TARBP1: variants seen among roughly 807,000 people sequenced by gnomAD.
TARBP1 encodes the protein tRNA guanosine 2 -O-methyltransferase TARBP1.
TARBP1 carries 144 observed loss-of-function variants against 178.6 expected under a neutral mutation model. The observed-to-expected ratio is 0.81, with a 90% confidence interval of 0.70 to 0.93. TARBP1 has a LOEUF of 0.93. Among genes scored for constraint, TARBP1 ranks in the 40% least tolerant of loss-of-function variants. The pLI, the probability that TARBP1 is intolerant of heterozygous loss-of-function variation, is 0.00. For synonymous variants in TARBP1, 787 were observed against 781.0 expected, an observed-to-expected ratio of 1.01 and a Z score of -0.13; for missense variants, 2,067 against 2,011.7, an observed-to-expected ratio of 1.03 and a Z score of -0.53.
chr1:234,454,572 A>T lies in TARBP1; in HGVS notation c.1722+3095T>A, dbSNP rs531885118. The stretch of plus-strand genomic sequence containing the variant: ...TCATTATACTCTTCTAAGAATTTTT[A>T]AAATTTTCATAAGTAAAAAGCTACC... On this transcript the variant is annotated intron_variant, in intron 9 of 29. Coordinates refer to ENST00000040877, the MANE Select transcript of TARBP1 (RefSeq NM_005646.4). Among the ~76,000 whole-genome samples, 4 of 152,318 alleles carry T rather than the reference A, an allele frequency of 2.6e-5. No homozygotes were observed. In the East Asian group the frequency reaches 7.7e-4, roughly 29 times the overall value.
In TARBP1 at chr1:234,430,341, A is replaced by G. The variant is rs767930551; in HGVS notation, c.2395-40T>C. The stretch of plus-strand genomic sequence containing the variant: ...TGACAATGTTTTATTTAATATGCAC[A>G]AGTCTTAATCAGTAATGACCTCAGT... On this transcript the variant is annotated intron_variant, in intron 14 of 29. Transcript: ENST00000040877. 1.9e-6 allele frequency: 3 copies of G among 1,580,894 alleles called. No individual in the cohort carries two copies. In the Admixed American group the frequency reaches 5.1e-5, roughly 27 times the overall value.
intron 4 of TARBP1, among the ~76,000 whole-genome samples, chr1:234,466,983 T>C (rs10495347): frequency 0.084 from 12,733 of 152,222 alleles, 928 homozygotes; most frequent in East Asian, 0.27. Context: ...CACCATAATA[T>C]AAAACTTAAA....
At chr1:234,419,510 A>G (rs78317996) in intron 21 of TARBP1, among the ~76,000 whole-genome samples, 1,901 of 152,274 alleles carry the variant, frequency 0.012, 47 homozygotes, top group African/African-American at 0.044. Flanking sequence ...CAAAACCATA[A>G]GATATAACAG....
At chr1:234,392,707 C>A (rs1572183389) in intron 28 of TARBP1, 155 bp from the exon 29 acceptor site, 6 of 514,684 alleles carry the variant, frequency 1.2e-5, no homozygotes, top group African/African-American at 2.0e-5. Context: ...AACATGACAT[C>A]AATTTCTTTT....
intron 21 of TARBP1, among the ~76,000 whole-genome samples, chr1:234,419,151 T>C (rs918406005): frequency 3.3e-5 from 5 of 151,580 alleles, no homozygotes; most frequent in Non-Finnish European, 2.9e-5. Flanking sequence ...CCAGCCTGGG[T>C]GAAAGAGCAA....
chr1:234,455,986 G>A (rs1218025745), intron 9 of TARBP1, among the ~76,000 whole-genome samples: 2 of 152,136 alleles, frequency 1.3e-5, no homozygotes, highest in Non-Finnish European at 2.9e-5. Flanking sequence ...GTCACCAAAT[G>A]CTATGTTTTA....
At chr1:234,456,305 A>G (rs185247359) in intron 9 of TARBP1, among the ~76,000 whole-genome samples, 152 of 152,318 alleles carry the variant, frequency 1.0e-3, no homozygotes, top group African/African-American at 3.6e-3. Flanking sequence ...GATTCAAGCA[A>G]TTCTCCTGTC....
chr1:234,392,831 A>C lies in TARBP1; in HGVS notation c.4561-279T>G, dbSNP rs570209418. 399 of 187,770 alleles carry C rather than the reference A, an allele frequency of 2.1e-3. 1 individual carries two copies. Among genetic ancestry groups the C allele is most frequent in the Non-Finnish European group, 3.5e-3 (322 of 92,162 alleles). The allele number at this position is 187,770 out of a possible 1,614,324, so 11.6% of individuals were successfully genotyped here. On this transcript the variant is annotated intron_variant, in intron 28 of 29. Coordinates refer to ENST00000040877, the MANE Select transcript of TARBP1 (RefSeq NM_005646.4). ...GTTCACGCCATTCTCCTGCCTCAGC[A>C]TCCCAAGTAGCTGGGACTACAGGCG...
At chr1:234,422,300 T>C (rs1663193571) in intron 20 of TARBP1, among the ~76,000 whole-genome samples, 1 of 152,212 alleles carries the variant, frequency 6.6e-6, no homozygotes, top group South Asian at 2.1e-4. Context: ...TCTACTAGTC[T>C]GTTTAACTCA....
intron 23 of TARBP1, among the ~76,000 whole-genome samples, chr1:234,408,919 G>A (rs1264719021): frequency 1.3e-5 from 2 of 152,176 alleles, no homozygotes; most frequent in South Asian, 2.1e-4. Context: ...AGGTGAACCT[G>A]TTGGGCGGTT....
intron 6 of TARBP1, among the ~76,000 whole-genome samples, chr1:234,463,149 A>G (rs1668067456): frequency 6.6e-6 from 1 of 151,934 alleles, no homozygotes; most frequent in Admixed American, 6.6e-5. Context: ...TTTTTGAGAC[A>G]GTCTTGCTCT....
At chr1:234,477,994 A>C (rs537370908) in intron 1 of TARBP1, among the ~76,000 whole-genome samples, 179 bp downstream of exon 1, 56 of 152,210 alleles carry the variant, frequency 3.7e-4, no homozygotes, top group Admixed American at 9.2e-4. Flanking sequence ...GTGACTTCAA[A>C]GAACACCCTC....
Position 234,429,556 on chromosome 1 carries a change from C to T in TARBP1, c.2731G>A (p.Gly911Arg). The T allele has an allele frequency of 6.2e-7, 1 of 1,614,134 alleles. No individual in the cohort carries two copies. The highest frequency in any genetic ancestry group is 1.3e-5 in the African/African-American group (1 of 75,024). The change falls in exon 16 of 30, where the codon GGG (glycine) becomes AGG (arginine). Residue 911 changes from glycine to arginine, a missense_variant. Gly to Arg is a moderately radical substitution (Grantham distance 125). Coordinates refer to ENST00000040877, the MANE Select transcript of TARBP1 (RefSeq NM_005646.4). ...AGAAACGGTTCCAGAATTTCACTCC[C>T]TGTGGTTGGTATAAGGGTGTGATAT... ...KKYHTLIPTT[G>R]SEILEPFLPA...
chr1:234,467,647 C>G lies in TARBP1; in HGVS notation c.1103G>C (p.Cys368Ser), dbSNP rs758638830. The G allele has an allele frequency of 6.4e-7, 1 of 1,574,246 alleles. No individual in the cohort carries two copies. The highest frequency in any genetic ancestry group is 8.6e-7 in the Non-Finnish European group (1 of 1,166,668). ...FEYAVSEENG[C>S]WLFHPSWHMC... Reference sequence around the variant, plus strand: ...ATGCCAGGATGGGTGAAAGAGCCAACATCCTGTGGAAACAAACATCAAATG... The same window carrying G: ...ATGCCAGGATGGGTGAAAGAGCCAAGATCCTGTGGAAACAAACATCAAATG... The change falls in exon 4 of 30, where the codon TGT becomes TCT. Residue 368 changes from cysteine to serine, a missense_variant. Transcript: ENST00000040877.
At chr1:234,454,852 C>G (rs1307797797) in intron 9 of TARBP1, among the ~76,000 whole-genome samples, 1 of 152,090 alleles carries the variant, frequency 6.6e-6, no homozygotes, top group Non-Finnish European at 1.5e-5. Context: ...AGGAGCTTTG[C>G]AGATTTAAGT....
chr1:234,437,102 T>G (rs139584943), intron 13 of TARBP1, among the ~76,000 whole-genome samples, 173 bp downstream of exon 13: 1 of 152,316 alleles, frequency 6.6e-6, no homozygotes, highest in African/African-American at 2.4e-5. Flanking sequence ...ACAATACAGA[T>G]GGAATTGGAA....
chr1:234,392,291 G>A (rs1203461602), intron 29 of TARBP1, 125 bp downstream of exon 29: 2 of 1,219,680 alleles, frequency 1.6e-6, no homozygotes, highest in Admixed American at 2.3e-5. Context: ...AGCCGAGATT[G>A]TGCCACTACA....
intron 15 of TARBP1, 52 bp downstream of exon 15, chr1:234,430,035 C>T: frequency 6.5e-7 from 1 of 1,528,648 alleles, no homozygotes; most frequent in South Asian, 1.2e-5. Flanking sequence ...CAATCATGAA[C>T]TCACGGTGAC....
In TARBP1 at chr1:234,467,641, A is replaced by T. The variant is rs1282368095; in HGVS notation, c.1109T>A (p.Leu370His). 3 of 1,584,538 alleles carry T rather than the reference A, an allele frequency of 1.9e-6. No homozygotes were observed. The highest frequency in any genetic ancestry group is 2.7e-5 in the African/African-American group (2 of 73,430). Reference protein sequence around the residue: ...YAVSEENGCWLFHPSWHMCIY... With the variant: ...YAVSEENGCWHFHPSWHMCIY... ...ACACATATGCCAGGATGGGTGAAAGAGCCAACATCCTGTGGAAACAAACAT... is the reference window on the plus strand; with the variant it reads ...ACACATATGCCAGGATGGGTGAAAGTGCCAACATCCTGTGGAAACAAACAT... Residue 370 changes from leucine to histidine, a missense_variant, in exon 4 of 30, where the codon CTC (leucine) becomes CAC (histidine). Coordinates refer to ENST00000040877, the MANE Select transcript of TARBP1 (RefSeq NM_005646.4).
Sources: gnomAD v4.1 joint callset for allele counts (sites outside exome capture counted in the v4.1 genomes callset) on GRCh38, gnomAD v4.1.1 for gene constraint, MANE v1.5 for transcripts, NCBI Gene and HGNC (gene_info 2026-07-23, HGNC 2026-07-21) for gene names.